MR1: variants seen among roughly 807,000 people sequenced by gnomAD.
The protein encoded by MR1 is major histocompatibility complex class I-related protein 1.
A neutral mutation model predicts 37.8 loss-of-function variants in MR1; 44 were observed. That is an observed-to-expected ratio of 1.16 (90% CI 0.91 to 1.50). MR1 has a LOEUF of 1.50. Ranked by LOEUF, MR1 falls within the 40% of genes most tolerant of loss-of-function variation. MR1 has a pLI of 0.00. For synonymous variants in MR1, 153 were observed against 155.8 expected, an observed-to-expected ratio of 0.98 and a Z score of 0.13; for missense variants, 386 against 419.1, an observed-to-expected ratio of 0.92 and a Z score of 0.69.
chr1:181,049,796 C>T lies in MR1; in HGVS notation c.329-215C>T, dbSNP rs913229207. ...TAACTCCCCAAGGCGGGAATTAGCA[C>T]ACTCCTTTGACAGGCAGTAGGTACT... On this transcript the variant is annotated intron_variant, in intron 2 of 5. Transcript: ENST00000367580. 8.5e-6 allele frequency: 5 copies of T among 585,168 alleles called. No individual in the cohort carries two copies. In the African/African-American group the frequency reaches 9.3e-5, roughly 11 times the overall value. The allele number at this position is 585,168 out of a possible 1,614,324, so 36.2% of individuals were successfully genotyped here.
intron 1 of MR1, among the ~76,000 whole-genome samples, chr1:181,045,570 C>G (rs543635972): frequency 6.0e-4 from 91 of 152,192 alleles, no homozygotes; most frequent in African/African-American, 2.0e-3. Flanking sequence ...TCACCTCCTA[C>G]CTGTCCCTGA....
chr1:181,048,238 T>TAAAATA (rs1210075406), intron 1 of MR1, among the ~76,000 whole-genome samples: 17 of 86,424 alleles, frequency 2.0e-4, no homozygotes, highest in African/African-American at 6.1e-4. Context: ...TAAAATAAAA[T>TAAAATA]AAATAAATAA....
chr1:181,047,999 C>G (rs573682294), intron 1 of MR1, among the ~76,000 whole-genome samples: 4 of 145,372 alleles, frequency 2.8e-5, no homozygotes, highest in African/African-American at 1.0e-4. Context: ...GGGTGGATCA[C>G]GAGGTCAGGA....
Position 181,052,492 on chromosome 1 carries a change from G to T in MR1, c.862G>T (p.Val288Phe), listed in dbSNP as rs1658377826. 1.9e-6 allele frequency: 3 copies of T among 1,611,676 alleles called. No homozygotes were observed. Among genetic ancestry groups the T allele is most frequent in the Non-Finnish European group, 1.7e-6 (2 of 1,178,028 alleles). The change falls in exon 4 of 6, where the codon GTT becomes TTT. Residue 288 changes from valine to phenylalanine, a missense_variant. Transcript: ENST00000367580. ...TGTGGAGCACTGCGGTGTCCACATG[G>T]TTCTTCAGGTCCCCCAGGGTAAGGA... ...CHVEHCGVHM[V>F]LQVPQESETI...
intron 1 of MR1, among the ~76,000 whole-genome samples, chr1:181,046,684 T>C (rs1168754213): frequency 6.6e-6 from 1 of 152,062 alleles, no homozygotes; most frequent in East Asian, 1.9e-4. Context: ...GCTTCCACAC[T>C]GTGGAAGCTT....
At position 181,049,302 on chromosome 1, in the gene MR1, C is replaced by T; in HGVS notation, c.318C>T (p.Tyr106=). The T allele has an allele frequency of 1.2e-6, 2 of 1,613,550 alleles. No individual in the cohort carries two copies. Among genetic ancestry groups the T allele is most frequent in the Non-Finnish European group, 1.7e-6 (2 of 1,179,714 alleles). ...KVELKRLQRH[Y]NHSGSHTYQR... ...AACTGAAGCGCCTACAGAGGCACTA[C>T]AATCACTCAGGTGTGCATGCGGCAG... The change falls in exon 2 of 6, where the codon TAC becomes TAT. Residue 106 remains tyrosine, a synonymous_variant. Coordinates refer to ENST00000367580, the MANE Select transcript of MR1 (RefSeq NM_001385161.1).
rs889034628 is a variant in MR1, at chr1:181,056,390, A to G, written c.*1125A>G. The G allele has an allele frequency of 2.0e-5, 3 of 149,254 alleles. No homozygotes were observed. The highest frequency in any genetic ancestry group is 7.4e-5 in the African/African-American group (3 of 40,636). The allele number at this position is 149,254 out of a possible 1,614,324, so 9.2% of individuals were successfully genotyped here. A position where few individuals can be genotyped will look rare whatever the true frequency, so the allele number is the denominator to read the frequency against. On this transcript the variant is annotated 3_prime_UTR_variant, in exon 6 of 6. Coordinates refer to ENST00000367580, the MANE Select transcript of MR1 (RefSeq NM_001385161.1). The stretch of plus-strand genomic sequence containing the variant: ...AATAATAATAATAATAATAATAATA[A>G]TAATAATAATAATAACAGTATATTT...
At chr1:181,045,923 TG>T (rs1194495957) in intron 1 of MR1, among the ~76,000 whole-genome samples, 3 of 152,130 alleles carry the variant, frequency 2.0e-5, no homozygotes, top group Admixed American at 6.5e-5. Flanking sequence ...GGCCCTGCAC[TG>T]GGGGCAGCCG....
At chr1:181,053,710 G>A in intron 5 of MR1, 33 bp downstream of exon 5, 2 of 1,433,982 alleles carry the variant, frequency 1.4e-6, no homozygotes, top group Non-Finnish European at 2.0e-6. Context: ...CCAGGGGGCT[G>A]CAGACTCTCC....
At chr1:181,040,509 A>G (rs1428721627) in intron 1 of MR1, among the ~76,000 whole-genome samples, 1 of 152,148 alleles carries the variant, frequency 6.6e-6, no homozygotes, top group Non-Finnish European at 1.5e-5. Context: ...ACCACAGCAG[A>G]GGTAACATTT....
intron 1 of MR1, among the ~76,000 whole-genome samples, chr1:181,048,403 T>C (rs2102389403): frequency 6.6e-6 from 1 of 151,472 alleles, no homozygotes; most frequent in South Asian, 2.1e-4. Flanking sequence ...GGCGTGGTGG[T>C]GTGTGCCTGT....
upstream of MR1, chr1:181,033,485 G>C (rs1456803967): frequency 1.3e-5 from 2 of 152,424 alleles, no homozygotes; most frequent in East Asian, 1.9e-4. Context: ...TGAGCTTATT[G>C]TGCTGGGTGC....
chr1:181,043,336 T>A (rs10159443), intron 1 of MR1, among the ~76,000 whole-genome samples: 1 of 152,010 alleles, frequency 6.6e-6, no homozygotes, highest in African/African-American at 2.4e-5. Flanking sequence ...ATAACACCTG[T>A]GAGGGAGGAG....
In MR1 at chr1:181,050,235, G is replaced by A. The variant is rs978745077; in HGVS notation, c.553G>A (p.Ala185Thr). 1 of 1,614,136 alleles carries A rather than the reference G, an allele frequency of 6.2e-7. No homozygotes were observed. Among genetic ancestry groups the A allele is most frequent in the Admixed American group, 1.7e-5 (1 of 60,014 alleles). ...QKNWLEEECI[A>T]WLKRFLEYGK... ...GAATTGGCTGGAAGAAGAATGTATT[G>A]CCTGGCTAAAGAGATTCCTGGAGTA... The change falls in exon 3 of 6, where the codon GCC becomes ACC. Residue 185 changes from alanine (A) to threonine (T), a missense_variant. Physicochemically the swap from Ala to Thr is moderately conservative, Grantham distance 58. Coordinates refer to ENST00000367580, the MANE Select transcript of MR1 (RefSeq NM_001385161.1).
intron 1 of MR1, among the ~76,000 whole-genome samples, chr1:181,047,907 T>TA (rs1393349885): frequency 4.1e-5 from 6 of 145,256 alleles, no homozygotes; most frequent in Non-Finnish European, 7.5e-5. Context: ...CTCTAAAAAA[T>TA]AAAAAATAAA....
chr1:181,054,307 A>G (rs1658485871), intron 5 of MR1, among the ~76,000 whole-genome samples: 1 of 152,224 alleles, frequency 6.6e-6, no homozygotes, highest in Non-Finnish European at 1.5e-5. Context: ...GGATATAACA[A>G]TGAACAAGAC....
chr1:181,052,963 G>T (rs533581462), intron 4 of MR1, among the ~76,000 whole-genome samples: 4 of 152,046 alleles, frequency 2.6e-5, no homozygotes, highest in Non-Finnish European at 5.9e-5. Flanking sequence ...GCTCCTGGAG[G>T]CTGAGGCAGG....
intron 1 of MR1, among the ~76,000 whole-genome samples, chr1:181,042,298 G>A (rs1208472370): frequency 6.6e-6 from 1 of 150,628 alleles, no homozygotes; most frequent in Non-Finnish European, 1.5e-5. Context: ...CACCTCCCAG[G>A]TTCAAGCGAT....
At chr1:181,052,112 G>C in intron 3 of MR1, 123 bp from the exon 4 acceptor site, 1 of 1,113,158 alleles carries the variant, frequency 9.0e-7, no homozygotes, top group Non-Finnish European at 1.3e-6. Context: ...TGAGTTCTGG[G>C]TCATTCTTAG....
Sources: allele counts gnomAD v4.1 joint callset (sites outside exome capture counted in the v4.1 genomes callset), GRCh38; gene constraint gnomAD v4.1.1; transcripts MANE v1.5; gene names NCBI Gene and HGNC (gene_info 2026-07-23, HGNC 2026-07-21).